MGAT4C: variants seen among roughly 807,000 people sequenced by gnomAD.
MGAT4C encodes the protein alpha-1,3-mannosyl-glycoprotein 4-beta-N-acetylglucosaminyltransferase C.
A neutral mutation model predicts 40.1 loss-of-function variants in MGAT4C; 19 were observed. The observed-to-expected ratio is 0.47, with a 90% CI of 0.33 to 0.70. MGAT4C has a LOEUF of 0.70. Ranked by LOEUF, MGAT4C falls within the 30% of genes least tolerant of loss-of-function variation. The pLI is 0.02. For missense variants in MGAT4C, 491 were observed against 563.2 expected (o/e 0.87, Z 1.30); for synonymous variants, 181 against 187.1 (o/e 0.97, Z 0.27).
chr12:86,296,768 G>T (rs1444290222), intron 4 of MGAT4C, among the ~76,000 whole-genome samples: 2 of 152,166 alleles, frequency 1.3e-5, no homozygotes, highest in African/African-American at 4.8e-5. Context: ...TCCTGCTCGC[G>T]CCTCTCCCTC....
At chr12:86,445,658 C>T (rs957204699) in intron 2 of MGAT4C, among the ~76,000 whole-genome samples, 1 of 152,078 alleles carries the variant, frequency 6.6e-6, no homozygotes, top group African/African-American at 2.4e-5. Context: ...CGCAGTAAAA[C>T]TGATGAATAT....
chr12:86,264,367 G>T (rs1952732725), intron 4 of MGAT4C, among the ~76,000 whole-genome samples: 1 of 152,116 alleles, frequency 6.6e-6, no homozygotes. Flanking sequence ...GAGAGATAGG[G>T]GATAGGAGCC....
intron 3 of MGAT4C, among the ~76,000 whole-genome samples, chr12:86,371,513 C>G (rs1353217836): frequency 1.3e-5 from 2 of 152,004 alleles, no homozygotes; most frequent in African/African-American, 4.8e-5. Context: ...TGGTAGAACA[C>G]CCCTCACTAG....
rs1257706753 is a variant in MGAT4C, at chr12:86,669,432, C to T, written c.-229+57777G>A. On this transcript the variant is annotated intron_variant, in intron 2 of 7. Coordinates refer to the MGAT4C transcript ENST00000548651. The stretch of plus-strand genomic sequence containing the variant: ...CCTCTCCTGTGCAGAAATGTTGGTG[C>T]AGAGGGTCCCTCCCTGCTCCATGTC... Among the ~76,000 whole-genome samples the T allele has an allele frequency of 2.0e-5, 3 of 152,278 alleles. No individual in the cohort carries two copies. In the East Asian group the frequency reaches 5.8e-4, roughly 29 times the overall value.
intron 2 of MGAT4C, among the ~76,000 whole-genome samples, chr12:86,014,400 AAGCAG>A (rs1242432041): frequency 6.6e-6 from 1 of 152,156 alleles, no homozygotes; most frequent in Non-Finnish European, 1.5e-5. Flanking sequence ...TAGGAGCTTC[AAGCAG>A]ATGCCTGCTT....
At chr12:86,514,994 A>G (rs1317420021) in intron 2 of MGAT4C, among the ~76,000 whole-genome samples, 11 of 152,194 alleles carry the variant, frequency 7.2e-5, no homozygotes, top group Admixed American at 1.3e-4. Context: ...GAACAGAGAG[A>G]ATATATTATT....
chr12:86,373,261 G>GT (rs1412756401), intron 3 of MGAT4C, among the ~76,000 whole-genome samples: 2 of 151,838 alleles, frequency 1.3e-5, no homozygotes, highest in Non-Finnish European at 2.9e-5. Flanking sequence ...TATTTTTACT[G>GT]TAACATTTCA....
Position 85,957,303 on chromosome 12 carries a change from T to G in MGAT4C, c.*21986A>C, listed in dbSNP as rs1882846324. ...CCAAGGCCAAGGATCTTGCCCCTCATTCTATAATGAGGTCATCTCATATTA... is the reference window on the plus strand; with the variant it reads ...CCAAGGCCAAGGATCTTGCCCCTCAGTCTATAATGAGGTCATCTCATATTA... On this transcript the variant is annotated 3_prime_UTR_variant, in exon 5 of 5. Transcript: ENST00000611864. 6.6e-6 allele frequency: 1 copy of G among 152,204 alleles called. No homozygotes were observed. 9.4% of individuals were successfully genotyped at this position (152,204 alleles called of 1,614,324 possible).
chr12:86,088,752 G>A (rs1045296353), intron 1 of MGAT4C, among the ~76,000 whole-genome samples: 1 of 152,056 alleles, frequency 6.6e-6, no homozygotes, highest in Non-Finnish European at 1.5e-5. Context: ...AACAGATGCT[G>A]GAGGTGTTGC....
rs560047698 is a variant in MGAT4C, at chr12:86,299,140, G to A, written c.-57+34925C>T. ...TTATTTATTTATTTATTTTTGAGAC[G>A]AATCTCGCTCTGTCGCCCAGGCTGG... On this transcript the variant is annotated intron_variant, in intron 4 of 7. Coordinates refer to the MGAT4C transcript ENST00000548651. Among the ~76,000 whole-genome samples, 320 of 152,072 alleles carry A rather than the reference G, an allele frequency of 2.1e-3. 1 individual carries two copies. Among genetic ancestry groups the A allele is most frequent in the African/African-American group, 7.3e-3 (304 of 41,490 alleles).
At chr12:86,357,886 C>T (rs1348894264) in intron 3 of MGAT4C, among the ~76,000 whole-genome samples, 1 of 152,134 alleles carries the variant, frequency 6.6e-6, no homozygotes, top group East Asian at 1.9e-4. Context: ...GAGAATGGAA[C>T]CAAGTTGGAA....
intron 1 of MGAT4C, among the ~76,000 whole-genome samples, chr12:86,737,254 C>T (rs992879886): frequency 2.6e-5 from 4 of 150,994 alleles, no homozygotes; most frequent in African/African-American, 9.7e-5. Flanking sequence ...TTCTACAGTG[C>T]TAAGTCCAAT....
chr12:86,788,019 A>G (rs1329587465), intron 1 of MGAT4C, among the ~76,000 whole-genome samples: 3 of 152,138 alleles, frequency 2.0e-5, no homozygotes. Context: ...AAGAAGAGAC[A>G]TGACAAAATG....
chr12:86,808,451 C>T (rs1304565938), intron 1 of MGAT4C, among the ~76,000 whole-genome samples: 1 of 151,998 alleles, frequency 6.6e-6, no homozygotes, highest in East Asian at 1.9e-4. Flanking sequence ...TGGCTTCATC[C>T]CCAGGATGCA....
At chr12:86,737,342 CTTT>C (rs36112885) in intron 1 of MGAT4C, among the ~76,000 whole-genome samples, 2 of 131,204 alleles carry the variant, frequency 1.5e-5, no homozygotes, top group Admixed American at 7.8e-5. Flanking sequence ...AACTAAAATA[CTTT>C]TTTTTTTTTT....
At chr12:86,232,113 C>T (rs1331106968) in intron 1 of MGAT4C, among the ~76,000 whole-genome samples, 1 of 133,286 alleles carries the variant, frequency 7.5e-6, no homozygotes, top group Non-Finnish European at 1.5e-5. Flanking sequence ...CCAGCCTGGG[C>T]GACAGAGCGA....
intron 3 of MGAT4C, among the ~76,000 whole-genome samples, chr12:86,390,357 A>G (rs1042947669): frequency 6.6e-6 from 1 of 152,194 alleles, no homozygotes; most frequent in Middle Eastern, 3.2e-3. Flanking sequence ...TTATTATCAT[A>G]TTAAATTCAT....
At chr12:86,624,086 GGT>G (rs1245379945) in intron 2 of MGAT4C, among the ~76,000 whole-genome samples, 1 of 152,036 alleles carries the variant, frequency 6.6e-6, no homozygotes, top group Admixed American at 6.6e-5. Flanking sequence ...GACATATGTT[GGT>G]GTTTGGACAT....
intron 1 of MGAT4C, among the ~76,000 whole-genome samples, chr12:86,072,873 A>C (rs904799252): frequency 6.6e-6 from 1 of 152,128 alleles, no homozygotes; most frequent in African/African-American, 2.4e-5. Context: ...TGGAGAAGAA[A>C]AATTTTTGAG....
Sources: gnomAD v4.1 joint callset for allele counts (sites outside exome capture counted in the v4.1 genomes callset) on GRCh38, gnomAD v4.1.1 for gene constraint, MANE v1.5 for transcripts, NCBI Gene and HGNC (gene_info 2026-07-23, HGNC 2026-07-21) for gene names.